Variants in TMEM131 observed in about 807,000 individuals in gnomAD.
TMEM131 encodes 2610524E03Rik.
In TMEM131, 66 loss-of-function variants were observed where a neutral mutation model predicts 211.6. The ratio of observed to expected loss-of-function variants is 0.31; its 90% CI spans 0.26 to 0.38. The LOEUF (loss-of-function observed/expected upper bound fraction) is 0.38, where lower values mean the gene tolerates loss of function less well. Among genes scored for constraint, TMEM131 ranks in the 10% least tolerant of loss-of-function variants. The pLI, the probability that TMEM131 is intolerant of heterozygous loss-of-function variation, is 1.00. For missense variants in TMEM131, 2,036 were observed against 2,299.3 expected (o/e 0.89, Z 2.34); for synonymous variants, 844 against 841.3 (o/e 1.00, Z -0.06).
chr2:97,838,785 C>T (rs757497073), intron 7 of TMEM131, among the ~76,000 whole-genome samples: 1 of 151,864 alleles, frequency 6.6e-6, no homozygotes, highest in African/African-American at 2.4e-5. Flanking sequence ...TGGCAGGGGC[C>T]GGGGAGTTGC....
intron 3 of TMEM131, among the ~76,000 whole-genome samples, chr2:97,890,639 T>C (rs1361079040): frequency 2.0e-5 from 3 of 152,220 alleles, no homozygotes; most frequent in African/African-American, 4.8e-5. Context: ...ACTGATCTTA[T>C]ACCTAGTCAC....
At chr2:97,761,982 C>T (rs1242931111) in intron 36 of TMEM131, 53 bp downstream of exon 36, 7 of 1,497,386 alleles carry the variant, frequency 4.7e-6, no homozygotes, top group African/African-American at 1.4e-5. Flanking sequence ...GGTGTGACAT[C>T]GGGTTTTAGG....
chr2:97,879,217 T>C lies in TMEM131; in HGVS notation c.359+8835A>G, dbSNP rs543515432. Among the ~76,000 whole-genome samples, 16 of 152,306 alleles carry C rather than the reference T, an allele frequency of 1.1e-4. No individual in the cohort carries two copies. In the South Asian group the frequency reaches 3.3e-3, roughly 32 times the overall value. ...GAGCAGTCAGCGAATTTCTTCCCAC[T>C]GCTGTAGGGAAAGGATACCGGCAGT... is the stretch of plus-strand genomic sequence containing the variant. On this transcript the variant is annotated intron_variant, in intron 4 of 40. Transcript: ENST00000186436.
At chr2:97,970,621 C>T (rs971760254) in intron 1 of TMEM131, among the ~76,000 whole-genome samples, 1 of 152,206 alleles carries the variant, frequency 6.6e-6, no homozygotes, top group Non-Finnish European at 1.5e-5. Flanking sequence ...TCACCACTCA[C>T]TCCAGGCACA....
intron 4 of TMEM131, among the ~76,000 whole-genome samples, chr2:97,860,868 A>C (rs1483689487): frequency 6.6e-6 from 1 of 152,204 alleles, no homozygotes; most frequent in Admixed American, 6.5e-5. Context: ...ATATCACTGA[A>C]AGAGGCAATG....
chr2:97,785,557 G>A (rs894990048), intron 31 of TMEM131, among the ~76,000 whole-genome samples: 1 of 152,184 alleles, frequency 6.6e-6, no homozygotes, highest in African/African-American at 2.4e-5. Flanking sequence ...TCACTCCTAC[G>A]TTGCTGGTGG....
intron 19 of TMEM131, 144 bp from the exon 20 acceptor site, chr2:97,805,847 A>T: frequency 1.2e-6 from 1 of 824,210 alleles, no homozygotes; most frequent in Non-Finnish European, 1.7e-6. Flanking sequence ...TAATCTTTAA[A>T]TTGTAATCAA....
intron 1 of TMEM131, among the ~76,000 whole-genome samples, chr2:97,936,138 G>C (rs922323979): frequency 1.3e-5 from 2 of 152,162 alleles, no homozygotes; most frequent in African/African-American, 4.8e-5. Context: ...CTCGACCCTG[G>C]TAACAGTTGT....
chr2:97,805,172 T>G lies in TMEM131; in HGVS notation c.2318A>C (p.Gln773Pro). ...EPKVQPGVAM[Q>P]EDMWDADWDL... ...CCAGTCAGCATCCCACATATCTTCC[T>G]GCATGGCTACACCAGGCTGCACTTT... Residue 773 changes from glutamine (Q) to proline (P), a missense_variant, in exon 22 of 41, where the codon CAG becomes CCG. Physicochemically the swap from Gln to Pro is moderately conservative, Grantham distance 76 (BLOSUM62 -1). Coordinates refer to ENST00000186436, the MANE Select transcript of TMEM131 (RefSeq NM_015348.2). The G allele has an allele frequency of 6.2e-7, 1 of 1,613,872 alleles. No individual in the cohort carries two copies. Among genetic ancestry groups the G allele is most frequent in the Non-Finnish European group, 8.5e-7 (1 of 1,179,836 alleles).
At chr2:97,863,955 C>G (rs1674167299) in intron 4 of TMEM131, among the ~76,000 whole-genome samples, 1 of 152,124 alleles carries the variant, frequency 6.6e-6, no homozygotes, top group Non-Finnish European at 1.5e-5. Flanking sequence ...TTCACAATAG[C>G]CGAGATTTGG....
intron 31 of TMEM131, among the ~76,000 whole-genome samples, chr2:97,776,832 T>C (rs1228410286): frequency 6.6e-6 from 1 of 152,176 alleles, no homozygotes; most frequent in African/African-American, 2.4e-5. Context: ...TTCTACAAAC[T>C]AGCTGCCTGA....
chr2:97,761,908 G>T, intron 36 of TMEM131, 127 bp downstream of exon 36: 2 of 1,122,386 alleles, frequency 1.8e-6, no homozygotes, highest in Non-Finnish European at 1.2e-6. Flanking sequence ...GTCCACACAA[G>T]CTGGCAGCCA....
intron 12 of TMEM131, among the ~76,000 whole-genome samples, chr2:97,815,905 G>A (rs1294160326): frequency 6.6e-6 from 1 of 152,156 alleles, no homozygotes; most frequent in African/African-American, 2.4e-5. Context: ...CATGGTATAA[G>A]AAAAGTCAAG....
At chr2:97,811,431 T>C (rs1306725858) in intron 17 of TMEM131, among the ~76,000 whole-genome samples, 199 bp from the exon 18 acceptor site, 9 of 152,188 alleles carry the variant, frequency 5.9e-5, no homozygotes, top group Non-Finnish European at 1.3e-4. Context: ...ACTTGTTCCA[T>C]GGGCCACTGA....
intron 5 of TMEM131, among the ~76,000 whole-genome samples, chr2:97,848,022 T>C (rs1281558192): frequency 6.6e-6 from 1 of 152,226 alleles, no homozygotes; most frequent in Admixed American, 6.5e-5. Context: ...GGAGGATTCA[T>C]AGTATCTAAT....
chr2:97,927,384 T>C, intron 2 of TMEM131, 42 bp downstream of exon 2: 1 of 1,448,924 alleles, frequency 6.9e-7, no homozygotes. Flanking sequence ...CCAGATATTA[T>C]TCAAGGCTTA....
At chr2:97,776,088 C>G in intron 31 of TMEM131, 70 bp from the exon 32 acceptor site, 1 of 1,501,922 alleles carries the variant, frequency 6.7e-7, no homozygotes, top group African/African-American at 1.4e-5. Flanking sequence ...GAGTCTTGCT[C>G]TGTCACCCAG....
At chr2:97,905,375 T>C (rs1676026547) in intron 3 of TMEM131, among the ~76,000 whole-genome samples, 1 of 152,216 alleles carries the variant, frequency 6.6e-6, no homozygotes, top group Non-Finnish European at 1.5e-5. Flanking sequence ...TCTCTATTTA[T>C]GACTGATTTT....
In TMEM131 at chr2:97,796,872, C is replaced by T. The variant is rs370967376; in HGVS notation, c.2985G>A (p.Thr995=). 2.8e-5 allele frequency: 45 copies of T among 1,613,732 alleles called. No homozygotes were observed. Among genetic ancestry groups the T allele is most frequent in the Middle Eastern group, 1.6e-4 (1 of 6,084 alleles). ...CTGTACAATCTTTTAACAATGCTTC[C>T]GTGATTTTAAAGCGTAAGGAGCTTC... ...GPGSSLRFKI[T]EALLKDCTDS... is the part of the protein sequence containing the mutation. The change falls in exon 27 of 41, where the codon ACG becomes ACA. Residue 995 remains threonine, a synonymous_variant. Transcript: ENST00000186436.
Sources: gnomAD v4.1 joint callset for allele counts (sites outside exome capture counted in the v4.1 genomes callset) on GRCh38, gnomAD v4.1.1 for gene constraint, MANE v1.5 for transcripts, NCBI Gene and HGNC (gene_info 2026-07-23, HGNC 2026-07-21) for gene names.